Variants in PPP1R14C observed in about 807,000 individuals in gnomAD.
PPP1R14C encodes the protein protein phosphatase 1 regulatory inhibitor subunit 14C, also known as protein phosphatase 1 regulatory subunit 14C.
In PPP1R14C, 16 loss-of-function variants were observed where a neutral mutation model predicts 20.4. The observed-to-expected ratio is 0.78, with a 90% CI of 0.53 to 1.19. PPP1R14C has a LOEUF of 1.19. Among genes scored for constraint, PPP1R14C ranks in the 50% most tolerant of loss-of-function variants. PPP1R14C has a pLI of 0.00. For missense variants in PPP1R14C, 211 were observed against 220.1 expected, an observed-to-expected ratio of 0.96 and a Z score of 0.26; for synonymous variants, 91 against 91.0, an observed-to-expected ratio of 1.00 and a Z score of 0.00.
intron 1 of PPP1R14C, among the ~76,000 whole-genome samples, chr6:150,205,341 G>A (rs530168485): frequency 6.6e-6 from 1 of 152,084 alleles, no homozygotes; most frequent in Non-Finnish European, 1.5e-5. Flanking sequence ...GGTCTGCATC[G>A]TCAGTGGCTC....
rs1225983300 is a variant in PPP1R14C, at chr6:150,250,267, T to C, written c.*1447T>C. On this transcript the variant is annotated 3_prime_UTR_variant, in exon 4 of 4. Transcript: ENST00000361131. ...CTATGTTTGTGAATTTTGCGTATAC[T>C]GGCAAGCTTTTGAAAATGTATTTAA... 3.5e-4 allele frequency: 54 copies of C among 152,670 alleles called. 1 individual carries two copies. The highest frequency in any genetic ancestry group is 1.5e-4 in the Non-Finnish European group (10 of 68,044). 9.5% of individuals were successfully genotyped at this position (152,670 alleles called of 1,614,324 possible).
At chr6:150,195,635 C>T (rs1181602873) in intron 1 of PPP1R14C, among the ~76,000 whole-genome samples, 1 of 152,210 alleles carries the variant, frequency 6.6e-6, no homozygotes, top group Non-Finnish European at 1.5e-5. Context: ...CCACCATGCT[C>T]AGCCCCTTGT....
intron 1 of PPP1R14C, among the ~76,000 whole-genome samples, chr6:150,192,295 G>A (rs1008330834): frequency 2.0e-5 from 3 of 152,140 alleles, no homozygotes; most frequent in Non-Finnish European, 4.4e-5. Context: ...CTAGTTTCAC[G>A]GGAGACAATT....
intron 1 of PPP1R14C, chr6:150,194,755 G>C (rs1434251468): frequency 1.0e-6 from 1 of 985,220 alleles, no homozygotes; most frequent in Non-Finnish European, 1.2e-6. Context: ...TTGTTGCATA[G>C]TTTAAGACCC....
Position 150,235,871 on chromosome 6 carries a change from C to T in PPP1R14C, c.424-12875C>T, listed in dbSNP as rs373593702. ...GTTCGTCGTACTCAGGGGAGAATTT[C>T]CAGTCTAGCTGTGGACACTGACCTT... On this transcript the variant is annotated intron_variant, in intron 3 of 3. Transcript: ENST00000361131. 4.6e-5 allele frequency among the ~76,000 whole-genome samples: 7 copies of T among 152,330 alleles called. No individual in the cohort carries two copies. In the South Asian group the frequency reaches 8.3e-4, roughly 18 times the overall value.
chr6:150,195,729 A>G (rs1252849642), intron 1 of PPP1R14C: 6 of 438,736 alleles, frequency 1.4e-5, no homozygotes, highest in Non-Finnish European at 1.8e-5. Context: ...AGCTACATTA[A>G]GTACATTTAC....
At chr6:150,193,870 A>G (rs900850261) in intron 1 of PPP1R14C, among the ~76,000 whole-genome samples, 10 of 152,132 alleles carry the variant, frequency 6.6e-5, no homozygotes, top group African/African-American at 2.2e-4. Flanking sequence ...TTGAATGCCT[A>G]ATGTGGGTGA....
chr6:150,159,102 T>C (rs1005602114), intron 1 of PPP1R14C, among the ~76,000 whole-genome samples: 4 of 152,194 alleles, frequency 2.6e-5, no homozygotes, highest in African/African-American at 9.6e-5. Flanking sequence ...ATTGAATCAC[T>C]CTTCAACTTC....
At chr6:150,182,781 G>A (rs1290191393) in intron 1 of PPP1R14C, among the ~76,000 whole-genome samples, 1 of 152,200 alleles carries the variant, frequency 6.6e-6, no homozygotes, top group African/African-American at 2.4e-5. Flanking sequence ...TATGTTCTGA[G>A]AAATGCATCC....
rs555821678 is a variant in PPP1R14C at position 150,211,143 on chromosome 6, C to T, written c.307-3601C>T. 3.9e-5 allele frequency among the ~76,000 whole-genome samples: 6 copies of T among 152,318 alleles called. No homozygotes were observed. The South Asian group carries it at 1.2e-3, about 32-fold the overall frequency. The stretch of plus-strand genomic sequence containing the variant: ...TTTCTCTCTCCCTGAATCACTAAAG[C>T]GCTTCAGGTTTGTCTGTGGCTTTGG... On this transcript the variant is annotated intron_variant, in intron 1 of 3. Coordinates refer to ENST00000361131, the MANE Select transcript of PPP1R14C (RefSeq NM_030949.3).
chr6:150,151,075 T>C (rs1777241400), intron 1 of PPP1R14C, among the ~76,000 whole-genome samples: 1 of 152,128 alleles, frequency 6.6e-6, no homozygotes, highest in African/African-American at 2.4e-5. Flanking sequence ...TCCTGCGTGC[T>C]GTTTTTGGAT....
At chr6:150,244,065 A>C (rs572007105) in intron 3 of PPP1R14C, among the ~76,000 whole-genome samples, 1 of 152,086 alleles carries the variant, frequency 6.6e-6, no homozygotes, top group African/African-American at 2.4e-5. Context: ...GAGGTGTTGG[A>C]TGTTTCCATG....
At chr6:150,166,229 C>T (rs942868476) in intron 1 of PPP1R14C, among the ~76,000 whole-genome samples, 2 of 152,010 alleles carry the variant, frequency 1.3e-5, no homozygotes, top group East Asian at 1.9e-4. Context: ...TACAGGCGCC[C>T]GCTACCACGC....
In PPP1R14C at chr6:150,248,876, C is replaced by A; in HGVS notation, c.*56C>A. Reference sequence around the variant, plus strand: ...CGAAGAAAGAGTCCTGGGATTTGTACTTCATGAAGACTTTTGTGAAAGAAT... The same window carrying A: ...CGAAGAAAGAGTCCTGGGATTTGTAATTCATGAAGACTTTTGTGAAAGAAT... On this transcript the variant is annotated 3_prime_UTR_variant, in exon 4 of 4. Transcript: ENST00000361131. 1.7e-6 allele frequency: 2 copies of A among 1,156,676 alleles called. No homozygotes were observed. The highest frequency in any genetic ancestry group is 2.5e-6 in the Non-Finnish European group (2 of 790,636). The allele number at this position is 1,156,676 out of a possible 1,614,324, so 71.7% of individuals were successfully genotyped here.
At chr6:150,227,482 G>A (rs931458705) in intron 3 of PPP1R14C, among the ~76,000 whole-genome samples, 3 of 152,202 alleles carry the variant, frequency 2.0e-5, no homozygotes, top group Non-Finnish European at 2.9e-5. Flanking sequence ...TTGCTTGACA[G>A]AATGTGCTTT....
intron 1 of PPP1R14C, among the ~76,000 whole-genome samples, chr6:150,145,796 A>C (rs1211760884): frequency 1.3e-5 from 2 of 152,202 alleles, no homozygotes; most frequent in African/African-American, 4.8e-5. Flanking sequence ...GACACAGCCA[A>C]TTTCCCAGCC....
In PPP1R14C at chr6:150,214,687, G is replaced by A. The variant is rs375143186; in HGVS notation, c.307-57G>A. ...TGTTCAACTTAACCTAACTGGTGGG[G>A]TACAGTCAGGTTTCTTACTAAATTA... On this transcript the variant is annotated intron_variant, in intron 1 of 3. Coordinates refer to ENST00000361131, the MANE Select transcript of PPP1R14C (RefSeq NM_030949.3). The A allele has an allele frequency of 1.9e-4, 245 of 1,274,688 alleles. 5 individuals are homozygous for A. In the South Asian group the frequency reaches 2.1e-3, roughly 11 times the overall value. The allele number at this position is 1,274,688 out of a possible 1,614,324, so 79.0% of individuals were successfully genotyped here. A position where few individuals can be genotyped will look rare whatever the true frequency, so the allele number is the denominator to read the frequency against.
At chr6:150,216,911 ATT>A in intron 3 of PPP1R14C, 55 bp downstream of exon 3, 2 of 1,425,232 alleles carry the variant, frequency 1.4e-6, no homozygotes, top group Non-Finnish European at 1.9e-6. Context: ...TATTAAATCA[ATT>A]TGTCTATTTT....
intron 1 of PPP1R14C, among the ~76,000 whole-genome samples, chr6:150,200,910 G>A (rs1183965280): frequency 1.3e-5 from 2 of 152,156 alleles, no homozygotes; most frequent in Non-Finnish European, 2.9e-5. Context: ...GCTTGAATGT[G>A]TTGGGTGCCT....
Sources: allele counts gnomAD v4.1 joint callset (sites outside exome capture counted in the v4.1 genomes callset), GRCh38; gene constraint gnomAD v4.1.1; transcripts MANE v1.5; gene names NCBI Gene and HGNC (gene_info 2026-07-23, HGNC 2026-07-21).